PFKFB4: variants seen among roughly 807,000 people sequenced by gnomAD.
PFKFB4 encodes the protein 6-phosphofructo-2-kinase/fructose-2,6-bisphosphatase 4.
A neutral mutation model predicts 62.8 loss-of-function variants in PFKFB4; 42 were observed. The ratio of observed to expected loss-of-function variants is 0.67; its 90% CI spans 0.52 to 0.86. PFKFB4 has a LOEUF of 0.86. Among genes scored for constraint, PFKFB4 ranks in the 40% least tolerant of loss-of-function variants. PFKFB4 has a pLI of 0.00. For missense variants in PFKFB4, 475 were observed against 627.2 expected (o/e 0.76, Z 2.59); for synonymous variants, 204 against 240.7 (o/e 0.85, Z 1.41).
chr3:48,550,054 CCTT>C (rs1445824911), intron 2 of PFKFB4, 61 bp downstream of exon 2: 1 of 1,393,678 alleles, frequency 7.2e-7, no homozygotes, highest in Non-Finnish European at 1.0e-6. Context: ...AGAGAATAGG[CCTT>C]CTCTATTCTC....
rs1240421486 is a variant in PFKFB4 at position 48,521,912 on chromosome 3, C to A, written c.1350+74G>T. The A allele has an allele frequency of 8.0e-7, 1 of 1,256,932 alleles. No individual in the cohort carries two copies. Among genetic ancestry groups the A allele is most frequent in the Non-Finnish European group, 1.2e-6 (1 of 854,170 alleles). The allele number at this position is 1,256,932 out of a possible 1,614,324, so 77.9% of individuals were successfully genotyped here. On this transcript the variant is annotated intron_variant, in intron 13 of 13. Coordinates refer to ENST00000232375, the MANE Select transcript of PFKFB4 (RefSeq NM_004567.4). This position sits in a 1 kb window ranked among gnomAD's most constrained non-coding sequence, Gnocchi z 5.3. ...TGGCAGGTGCCGCAGCTGGGCCTGG[C>A]CCTGGAGGATGTGCAGTCTGGACAC...
At chr3:48,542,344 A>AG (rs1273192990) in intron 4 of PFKFB4, among the ~76,000 whole-genome samples, 4 of 151,980 alleles carry the variant, frequency 2.6e-5, no homozygotes, top group African/African-American at 7.2e-5. Flanking sequence ...AAAAAAAAAA[A>AG]AAAAGAAAGA....
chr3:48,551,085 A>G (rs1417576000), intron 1 of PFKFB4, among the ~76,000 whole-genome samples: 1 of 152,240 alleles, frequency 6.6e-6, no homozygotes, highest in East Asian at 1.9e-4. Flanking sequence ...TCAGTGTGCC[A>G]GCCAGAGAAG....
upstream of PFKFB4, chr3:48,557,043 T>G: frequency 8.8e-7 from 1 of 1,136,800 alleles, no homozygotes; most frequent in African/African-American, 1.6e-5. Flanking sequence ...AGAATGCGCA[T>G]GCTCAACTCC....
upstream of PFKFB4, chr3:48,561,906 T>A (rs2043438286): frequency 1.3e-5 from 2 of 152,176 alleles, no homozygotes; most frequent in South Asian, 4.1e-4. The surrounding 1 kb of genome is among the most constrained non-coding windows in gnomAD (Gnocchi z 5.2). Context: ...GGACAGAGTT[T>A]GGTTGGAGCT....
chr3:48,550,071 G>C, intron 2 of PFKFB4, 47 bp downstream of exon 2: 1 of 1,472,928 alleles, frequency 6.8e-7, no homozygotes, highest in African/African-American at 1.4e-5. Context: ...TATTCTCTTC[G>C]TCATGCCCCA....
chr3:48,546,883 CAT>C (rs1303380669), intron 3 of PFKFB4, among the ~76,000 whole-genome samples: 2 of 152,204 alleles, frequency 1.3e-5, no homozygotes, highest in African/African-American at 2.4e-5. Context: ...ACATTTTACA[CAT>C]GTTGTCAATG....
chr3:48,539,923 C>CTGCAG, intron 4 of PFKFB4, 152 bp from the exon 5 acceptor site: 1 of 651,710 alleles, frequency 1.5e-6, no homozygotes. Context: ...ACCTGCCTGG[C>CTGCAG]CAGTCTCCTC....
intron 1 of PFKFB4, among the ~76,000 whole-genome samples, chr3:48,555,106 T>C (rs965951568): frequency 1.6e-5 from 2 of 128,256 alleles, no homozygotes; most frequent in African/African-American, 3.0e-5. Flanking sequence ...TATGTAGTAA[T>C]AGCAGCCACC....
chr3:48,542,305 G>A (rs1397050995), intron 4 of PFKFB4, among the ~76,000 whole-genome samples: 3 of 150,336 alleles, frequency 2.0e-5, no homozygotes, highest in African/African-American at 7.4e-5. Flanking sequence ...CTGCACTCCA[G>A]CCTGGGTGAC....
chr3:48,537,612 C>T (rs2042665375), intron 7 of PFKFB4, among the ~76,000 whole-genome samples: 1 of 150,512 alleles, frequency 6.6e-6, no homozygotes, highest in Admixed American at 6.6e-5. Context: ...CAGCCTTGAC[C>T]TCCCTGGGCT....
At chr3:48,525,885 C>T in intron 9 of PFKFB4, 1 of 377,498 alleles carries the variant, frequency 2.6e-6, no homozygotes, top group Non-Finnish European at 4.8e-6. Flanking sequence ...GTCTTGTCCA[C>T]CTATCCATCA....
At chr3:48,522,480 G>T (rs1304000011) in intron 12 of PFKFB4, among the ~76,000 whole-genome samples, 4 of 152,236 alleles carry the variant, frequency 2.6e-5, no homozygotes, top group Non-Finnish European at 4.4e-5. Context: ...GACATCAGCT[G>T]CCACTGGGCT....
chr3:48,538,482 C>G lies in PFKFB4; in HGVS notation c.632+16G>C. On this transcript the variant is annotated intron_variant, in intron 7 of 13. Transcript: ENST00000232375. ...CCACCATCACAGCTGCAGGGCCTGG[C>G]GCTGCCCTGACTCACCTATCCAGGT... 1.9e-6 allele frequency: 3 copies of G among 1,612,926 alleles called. No homozygotes were observed. Among genetic ancestry groups the G allele is most frequent in the Non-Finnish European group, 2.5e-6 (3 of 1,179,718 alleles).
Position 48,539,699 on chromosome 3 carries a change from T to G in PFKFB4, c.451A>C (p.Lys151Gln). 2 of 1,613,520 alleles carry G rather than the reference T, an allele frequency of 1.2e-6. No individual in the cohort carries two copies. The highest frequency in any genetic ancestry group is 1.7e-6 in the Non-Finnish European group (2 of 1,179,484). ...GAGAGGAGCCAAGGAGGCCTCACCT[T>G]GTAGCCATTCTGTTCTCCAAAATTA... ...IFNFGEQNGY[K>Q]TFFVESICVD... Residue 151 changes from lysine (K) to glutamine (Q), a missense_variant and splice_region_variant, in exon 5 of 14, where the codon AAG (lysine) becomes CAG (glutamine). Transcript: ENST00000232375.
In PFKFB4 at chr3:48,556,603, T is replaced by C; in HGVS notation, c.97+78A>G. Reference sequence around the variant, plus strand: ...CCATCTGTCTCCCGCCCCTTCTCCATGCGAGACCCCCGCCCAGGCCGCCCT... The same window carrying C: ...CCATCTGTCTCCCGCCCCTTCTCCACGCGAGACCCCCGCCCAGGCCGCCCT... On this transcript the variant is annotated intron_variant, in intron 1 of 13. Transcript: ENST00000232375. The surrounding 1 kb of genome is among the most constrained non-coding windows in gnomAD (Gnocchi z 5.7). 1 of 1,405,920 alleles carries C rather than the reference T, an allele frequency of 7.1e-7. No homozygotes were observed. Among genetic ancestry groups the C allele is most frequent in the South Asian group, 1.3e-5 (1 of 76,676 alleles). 87.1% of individuals were successfully genotyped at this position (1,405,920 alleles called of 1,614,324 possible).
upstream of PFKFB4, chr3:48,563,020 A>C (rs748251551): frequency 2.7e-5 from 44 of 1,611,090 alleles, no homozygotes; most frequent in African/African-American, 4.0e-4. The surrounding 1 kb of genome is among the most constrained non-coding windows in gnomAD (Gnocchi z 4.5). Flanking sequence ...TGGTCTGGGG[A>C]GAATTCTGAG....
At chr3:48,524,319 C>T (rs1192750500) in intron 10 of PFKFB4, among the ~76,000 whole-genome samples, 2 of 152,162 alleles carry the variant, frequency 1.3e-5, no homozygotes, top group African/African-American at 2.4e-5. Flanking sequence ...CTATGCCTGC[C>T]GTGATGTACG....
upstream of PFKFB4, chr3:48,561,279 C>T (rs540625105): frequency 3.5e-6 from 1 of 287,508 alleles, no homozygotes; most frequent in Non-Finnish European, 6.8e-6. The surrounding 1 kb of genome is among the most constrained non-coding windows in gnomAD (Gnocchi z 5.2). Flanking sequence ...ACTGTGAGGG[C>T]AGCGCCAGTG....
Sources: gnomAD v4.1 joint callset for allele counts (sites outside exome capture counted in the v4.1 genomes callset) on GRCh38, gnomAD v4.1.1 for gene constraint, Gnocchi (gnomAD v3.1) non-coding constraint, MANE v1.5 for transcripts, NCBI Gene and HGNC (gene_info 2026-07-23, HGNC 2026-07-21) for gene names.